Variants in GSR observed in about 807,000 individuals in gnomAD.
The protein encoded by GSR is glutathione-disulfide reductase, also known as glutathione reductase, mitochondrial.
A neutral mutation model predicts 56.5 loss-of-function variants in GSR; 48 were observed. That is an observed-to-expected ratio of 0.85 (90% CI 0.67 to 1.08). The LOEUF (loss-of-function observed/expected upper bound fraction) is 1.08. GSR is among the 50% of genes least tolerant of loss of function. The pLI is 0.00. For missense variants in GSR, 694 were observed against 703.3 expected, an observed-to-expected ratio of 0.99 and a Z score of 0.15; for synonymous variants, 264 against 270.8, an observed-to-expected ratio of 0.97 and a Z score of 0.25.
At chr8:30,694,683 G>T (rs1273597806) in intron 7 of GSR, among the ~76,000 whole-genome samples, 1 of 151,938 alleles carries the variant, frequency 6.6e-6, no homozygotes, top group Non-Finnish European at 1.5e-5. Context: ...AAGCACTTTG[G>T]GAGGCCGAGG....
chr8:30,699,951 A>G (rs1261074018), intron 6 of GSR, 130 bp downstream of exon 6: 2 of 777,592 alleles, frequency 2.6e-6, no homozygotes, highest in African/African-American at 3.4e-5. Context: ...AAGGTCATGA[A>G]AAGAGAAGCT....
chr8:30,710,737 A>G (rs1452619534), intron 2 of GSR, among the ~76,000 whole-genome samples: 5 of 134,784 alleles, frequency 3.7e-5, no homozygotes, highest in East Asian at 4.0e-4. Context: ...AAAAAAAAAA[A>G]AAAAAAAAGA....
At chr8:30,716,223 G>A (rs1360200402) in intron 1 of GSR, among the ~76,000 whole-genome samples, 1 of 152,220 alleles carries the variant, frequency 6.6e-6, no homozygotes, top group African/African-American at 2.4e-5. Context: ...GACTCAAGGG[G>A]CAGCAGCAGA....
chr8:30,722,531 G>GCAGTTCGAGACCAC (rs1467554425), intron 1 of GSR, among the ~76,000 whole-genome samples: 1 of 152,018 alleles, frequency 6.6e-6, no homozygotes, highest in Non-Finnish European at 1.5e-5. Context: ...TTCGAGACCA[G>GCAGTTCGAGACCAC]CCTGGGCAAC....
intron 10 of GSR, among the ~76,000 whole-genome samples, chr8:30,683,394 T>C (rs995313348): frequency 1.3e-5 from 2 of 152,206 alleles, no homozygotes; most frequent in Middle Eastern, 6.8e-3. Context: ...TGATCATTAA[T>C]GGATAGAGAT....
Position 30,727,839 on chromosome 8 carries a change from C to G in GSR, c.-4G>C. 1 of 1,211,174 alleles carries G rather than the reference C, an allele frequency of 8.3e-7. No individual in the cohort carries two copies. The highest frequency in any genetic ancestry group is 1.0e-6 in the Non-Finnish European group (1 of 977,110). 75.0% of individuals were successfully genotyped at this position (1,211,174 alleles called of 1,614,324 possible). A position where few individuals can be genotyped will look rare whatever the true frequency, so the allele number is the denominator to read the frequency against. The stretch of plus-strand genomic sequence containing the variant: ...GGGCTCGGGGCAGCAGGGCCATGCA[C>G]GCGGAAGTGGCGCGCCAAGTGGGGC... On this transcript the variant is annotated 5_prime_UTR_variant, in exon 1 of 13. Transcript: ENST00000221130.
intron 1 of GSR, among the ~76,000 whole-genome samples, chr8:30,723,449 A>G (rs964304370): frequency 6.6e-6 from 1 of 151,792 alleles, no homozygotes; most frequent in African/African-American, 2.4e-5. Flanking sequence ...CTGAGATCAC[A>G]CCACTGCCCT....
intron 11 of GSR, 135 bp from the exon 12 acceptor site, chr8:30,681,172 T>C: frequency 1.3e-6 from 1 of 759,930 alleles, no homozygotes; most frequent in Non-Finnish European, 2.3e-6. Context: ...AAATGAGAAG[T>C]ATTCTACAAA....
At chr8:30,689,955 ATAT>A (rs1803312512) in intron 8 of GSR, among the ~76,000 whole-genome samples, 2 of 140,872 alleles carry the variant, frequency 1.4e-5, no homozygotes, top group African/African-American at 5.2e-5. Context: ...AAATATATGT[ATAT>A]TTTTATTTAT....
intron 9 of GSR, 51 bp from the exon 10 acceptor site, chr8:30,684,250 A>C (rs970252481): frequency 6.0e-6 from 6 of 1,005,882 alleles, no homozygotes; most frequent in Non-Finnish European, 9.6e-6. Context: ...CTACTAAAAA[A>C]GGTAGATCAA....
chr8:30,681,653 T>G (rs145759068), intron 11 of GSR, among the ~76,000 whole-genome samples: 199 of 152,212 alleles, frequency 1.3e-3, no homozygotes, highest in African/African-American at 4.5e-3. Context: ...AGGAGTCCTT[T>G]GTATTATTTT....
rs767650258 is a variant in GSR, at chr8:30,696,469, T to C, written c.706A>G (p.Ile236Val). The change falls in exon 7 of 13, where the codon ATT becomes GTT. Residue 236 changes from isoleucine to valine, a missense_variant. By Grantham distance (29) the Ile-to-Val change is conservative. Transcript: ENST00000221130. The stretch of plus-strand genomic sequence containing the variant: ...ACAGCAATGTAACCTGCACCAACAA[T>C]GACGCTGCGGCTGAGACGCGAGCAG... Reference protein sequence around the residue: ...QLEELPGRSVIVGAGYIAVEM... With the variant: ...QLEELPGRSVVVGAGYIAVEM... 5 of 1,611,302 alleles carry C rather than the reference T, an allele frequency of 3.1e-6. No homozygotes were observed. Among genetic ancestry groups the C allele is most frequent in the Non-Finnish European group, 4.2e-6 (5 of 1,177,478 alleles).
intron 1 of GSR, among the ~76,000 whole-genome samples, chr8:30,724,537 C>T (rs571265269): frequency 7.0e-6 from 1 of 142,090 alleles, no homozygotes; most frequent in East Asian, 2.1e-4. Flanking sequence ...ACTACCCAAC[C>T]CCCCACCTTT....
chr8:30,724,215 A>T (rs1203149894), intron 1 of GSR, among the ~76,000 whole-genome samples: 3 of 152,134 alleles, frequency 2.0e-5, no homozygotes, highest in African/African-American at 7.2e-5. Flanking sequence ...CTATAAACTG[A>T]AAGGAAAAGA....
intron 8 of GSR, among the ~76,000 whole-genome samples, chr8:30,692,196 CTTT>C (rs71206279): frequency 9.4e-3 from 718 of 76,130 alleles, no homozygotes; most frequent in African/African-American, 0.035. Context: ...TAAAATACAG[CTTT>C]TTTTTTTTTT....
chr8:30,685,562 T>C (rs1348688674), intron 9 of GSR, among the ~76,000 whole-genome samples: 1 of 152,164 alleles, frequency 6.6e-6, no homozygotes, highest in Non-Finnish European at 1.5e-5. Flanking sequence ...TTTTCCTATA[T>C]GTAGTCAAAT....
At chr8:30,695,519 G>C (rs907651341) in intron 7 of GSR, among the ~76,000 whole-genome samples, 5 of 152,146 alleles carry the variant, frequency 3.3e-5, no homozygotes, top group African/African-American at 1.2e-4. Context: ...AGAGGCGTGA[G>C]CCACTGTGCC....
At position 30,689,353 on chromosome 8, in the gene GSR, G is replaced by T. The variant is rs201958981; in HGVS notation, c.883-34C>A. On this transcript the variant is annotated intron_variant, in intron 8 of 12. Transcript: ENST00000221130. The stretch of plus-strand genomic sequence containing the variant: ...AAATAAAATGTGTTACACATGTGTG[G>T]AGGCTCAGGGAGGACAGGGGAAGAA... The T allele has an allele frequency of 2.2e-5, 34 of 1,568,796 alleles. No individual in the cohort carries two copies. In the East Asian group the frequency reaches 7.6e-4, roughly 35 times the overall value.
chr8:30,707,837 G>C (rs1380420933), intron 4 of GSR, among the ~76,000 whole-genome samples: 1 of 151,946 alleles, frequency 6.6e-6, no homozygotes, highest in African/African-American at 2.4e-5. Flanking sequence ...CACGCCTGTA[G>C]TCCCAGCTAC....
Sources: allele counts gnomAD v4.1 joint callset (sites outside exome capture counted in the v4.1 genomes callset), GRCh38; gene constraint gnomAD v4.1.1; transcripts MANE v1.5; gene names NCBI Gene and HGNC (gene_info 2026-07-23, HGNC 2026-07-21).